Variants in LMNTD1 observed in about 807,000 individuals in gnomAD.
LMNTD1 encodes the protein lamin tail domain containing 1.
A neutral mutation model predicts 50.9 loss-of-function variants in LMNTD1; 35 were observed. The observed-to-expected ratio is 0.69, with a 90% CI of 0.53 to 0.91. The LOEUF (loss-of-function observed/expected upper bound fraction) is 0.91. Among genes scored for constraint, LMNTD1 ranks in the 40% least tolerant of loss-of-function variants. LMNTD1 has a pLI of 0.00. For missense variants in LMNTD1, 470 were observed against 475.5 expected (o/e 0.99, Z 0.11); for synonymous variants, 153 against 161.9 (o/e 0.94, Z 0.42).
At chr12:25,519,293 A>T (rs279003) in intron 7 of LMNTD1, among the ~76,000 whole-genome samples, 1 of 151,898 alleles carries the variant, frequency 6.6e-6, no homozygotes, top group Non-Finnish European at 1.5e-5. Flanking sequence ...AACAGTGCCC[A>T]TGAAAAGTGA....
At chr12:25,503,687 A>T in intron 9 of LMNTD1, 51 bp downstream of exon 9, 1 of 906,296 alleles carries the variant, frequency 1.1e-6, no homozygotes, top group Non-Finnish European at 1.8e-6. Context: ...CCATTACTTT[A>T]GTCATATTAT....
chr12:25,629,000 C>G (rs1256789836), intron 1 of LMNTD1, among the ~76,000 whole-genome samples: 1 of 152,136 alleles, frequency 6.6e-6, no homozygotes, highest in Non-Finnish European at 1.5e-5. Context: ...CTCTTCCCAG[C>G]AAAACAACTA....
chr12:25,498,979 T>A (rs1169020227), intron 9 of LMNTD1, among the ~76,000 whole-genome samples: 1 of 152,044 alleles, frequency 6.6e-6, no homozygotes, highest in Non-Finnish European at 1.5e-5. Context: ...GTGTTCAGAG[T>A]CTTTCCATTC....
chr12:25,527,670 A>ATATATATATAT (rs1941867861), intron 4 of LMNTD1, among the ~76,000 whole-genome samples: 4 of 21,392 alleles, frequency 1.9e-4, no homozygotes, highest in African/African-American at 4.5e-4. Flanking sequence ...ATATATATAT[A>ATATATATATAT]TATATATATA....
chr12:25,625,480 T>A (rs1191999339), intron 1 of LMNTD1, among the ~76,000 whole-genome samples: 1 of 152,152 alleles, frequency 6.6e-6, no homozygotes, highest in African/African-American at 2.4e-5. Flanking sequence ...TATGTTTCTA[T>A]ATCTATGATG....
chr12:25,617,483 C>T (rs1428658657), intron 1 of LMNTD1, among the ~76,000 whole-genome samples: 1 of 151,976 alleles, frequency 6.6e-6, no homozygotes, highest in South Asian at 2.1e-4. Context: ...GCAGCTTATC[C>T]GTGGTAATAG....
Position 25,526,788 on chromosome 12 carries a change from T to C in LMNTD1, c.659A>G (p.Gln220Arg), listed in dbSNP as rs1306016432. Residue 220 changes from glutamine to arginine, a missense_variant, in exon 5 of 10, where the codon CAG becomes CGG. Coordinates refer to ENST00000458174, the MANE Select transcript of LMNTD1 (RefSeq NM_001145728.2). ...LYRFLPNIVMQANSTVTVWAA... is the reference protein window; with the variant it reads ...LYRFLPNIVMRANSTVTVWAA... ...ACTCACTGTTACTGTGGAATTTGCC[T>C]GCATTACGATGTTTGGAAGGAATCG... The C allele has an allele frequency of 1.2e-6, 2 of 1,608,912 alleles. No homozygotes were observed. Among genetic ancestry groups the C allele is most frequent in the South Asian group, 2.2e-5 (2 of 89,948 alleles).
At position 25,638,005 on chromosome 12, in the gene LMNTD1, A is replaced by G. The variant is rs540441406; in HGVS notation, c.58+10489T>C. On this transcript the variant is annotated intron_variant, in intron 1 of 7. Transcript: ENST00000445693. ...AACACATACACCATGACTAAGTGAGATTTATCCCAGGAATGCAGGATTGGT... is the reference window on the plus strand; with the variant it reads ...AACACATACACCATGACTAAGTGAGGTTTATCCCAGGAATGCAGGATTGGT... Among the ~76,000 whole-genome samples the G allele has an allele frequency of 2.6e-5, 4 of 152,250 alleles. No individual in the cohort carries two copies. The South Asian group carries it at 8.3e-4, about 32-fold the overall frequency.
intron 1 of LMNTD1, among the ~76,000 whole-genome samples, chr12:25,569,688 G>C (rs764488490): frequency 3.4e-4 from 51 of 152,144 alleles, no homozygotes; most frequent in Non-Finnish European, 6.0e-4. Context: ...CATTCAGTTA[G>C]TTCACATGAT....
At chr12:25,483,029 G>C (rs1250871851) in intron 9 of LMNTD1, among the ~76,000 whole-genome samples, 2 of 151,796 alleles carry the variant, frequency 1.3e-5, no homozygotes, top group Non-Finnish European at 1.5e-5. Flanking sequence ...CTAACTTTAG[G>C]GTACTTGCTC....
chr12:25,647,329 A>T lies in LMNTD1; in HGVS notation c.58+1165T>A, dbSNP rs550249493. ...CAAAACCTATCTCTACCAAAAATAC[A>T]AAAAAATTGGCTGGGCATGGTGGCC... On this transcript the variant is annotated intron_variant, in intron 1 of 7. Transcript: ENST00000445693. Among the ~76,000 whole-genome samples the T allele has an allele frequency of 2.0e-5, 3 of 152,134 alleles. No individual in the cohort carries two copies. In the South Asian group the frequency reaches 6.2e-4, roughly 32 times the overall value.
chr12:25,572,081 A>C (rs1484496829), intron 1 of LMNTD1, among the ~76,000 whole-genome samples: 3 of 152,178 alleles, frequency 2.0e-5, no homozygotes, highest in Non-Finnish European at 2.9e-5. Flanking sequence ...CAAATCAGGG[A>C]TCCTCCATTG....
upstream of LMNTD1, chr12:25,553,403 A>G (rs138779502): frequency 3.7e-4 from 149 of 401,194 alleles, no homozygotes; most frequent in East Asian, 8.5e-3. Flanking sequence ...CAGTTTGCAG[A>G]CATTAAATAA....
chr12:25,512,868 G>GA (rs140804087), intron 8 of LMNTD1, among the ~76,000 whole-genome samples: 29,599 of 151,642 alleles, frequency 0.2, 3,147 homozygotes, highest in African/African-American at 0.26. Context: ...TTTTTATGGG[G>GA]GGGGGCTTTA....
chr12:25,588,332 G>GT (rs765727332), intron 1 of LMNTD1, among the ~76,000 whole-genome samples: 54 of 152,130 alleles, frequency 3.5e-4, no homozygotes, highest in Admixed American at 6.5e-4. Context: ...TTTGTTTTAA[G>GT]TTTATTTAAA....
intron 4 of LMNTD1, among the ~76,000 whole-genome samples, chr12:25,528,746 G>A (rs1591920836): frequency 6.6e-6 from 1 of 152,036 alleles, no homozygotes; most frequent in African/African-American, 2.4e-5. Context: ...CATCTGCAGT[G>A]AAGCCCTCTG....
chr12:25,569,580 A>C lies in LMNTD1; in HGVS notation c.59-23026T>G, dbSNP rs185265119. ...TGATATGGTTTGGATATTTGTCCCC[A>C]CCCTAGTGCAAGACGTGGGGCCTGG... On this transcript the variant is annotated intron_variant, in intron 1 of 7. Transcript: ENST00000445693. 2.9e-4 allele frequency among the ~76,000 whole-genome samples: 44 copies of C among 152,306 alleles called. No homozygotes were observed. In the East Asian group the frequency reaches 8.3e-3, roughly 29 times the overall value.
chr12:25,482,786 G>A (rs997758448), intron 9 of LMNTD1, among the ~76,000 whole-genome samples: 1 of 151,962 alleles, frequency 6.6e-6, no homozygotes, highest in Non-Finnish European at 1.5e-5. Context: ...CTCACTTGAA[G>A]AGGCACACGC....
At chr12:25,558,210 T>C (rs1944120673), upstream of LMNTD1, among the ~76,000 whole-genome samples, 1 of 152,238 alleles carries the variant, frequency 6.6e-6, no homozygotes, top group Non-Finnish European at 1.5e-5. Context: ...CAATTTTGTT[T>C]AACTTTTCAA....
Sources: gnomAD v4.1 joint callset for allele counts (sites outside exome capture counted in the v4.1 genomes callset) on GRCh38, gnomAD v4.1.1 for gene constraint, MANE v1.5 for transcripts, NCBI Gene and HGNC (gene_info 2026-07-23, HGNC 2026-07-21) for gene names.